The following ARHGEF28 variants were observed in gnomAD, a reference collection of about 807,000 sequenced individuals.
ARHGEF28 encodes the protein Rho guanine nucleotide exchange factor 28, also known as 190 kDa guanine nucleotide exchange factor.
Under a neutral mutation model 206.6 loss-of-function variants are expected in ARHGEF28, and 152 were observed. That is an observed-to-expected ratio of 0.74 (90% CI 0.64 to 0.84). The LOEUF (loss-of-function observed/expected upper bound fraction) is 0.84, where lower values mean the gene tolerates loss of function less well. Ranked by LOEUF, ARHGEF28 falls within the 40% of genes least tolerant of loss-of-function variation. ARHGEF28 has a pLI of 0.00. For missense variants in ARHGEF28, 2,028 were observed against 2,073.2 expected (o/e 0.98, Z 0.42); for synonymous variants, 763 against 776.4 (o/e 0.98, Z 0.29).
At position 73,749,972 on chromosome 5, in the gene ARHGEF28, TC is replaced by T; in HGVS notation, c.171del (p.Ser58AlafsTer11). On this transcript the variant is annotated frameshift_variant, in exon 3 of 36. Coordinates refer to ENST00000513042, the MANE Select transcript of ARHGEF28 (RefSeq NM_001177693.2). LOFTEE classifies it high-confidence loss of function. ...AERIEDNVLQ[S>X]SVPGHGLQET... ...GCGCATCGAGGATAACGTTCTCCAG[TC>T]CAGCGTCCCAGGTGAGGTGTCCTCT... 6.2e-7 allele frequency: 1 copy of T among 1,613,886 alleles called. No homozygotes were observed. The highest frequency in any genetic ancestry group is 2.2e-5 in the East Asian group (1 of 44,872).
intron 1 of ARHGEF28, among the ~76,000 whole-genome samples, chr5:73,628,401 G>T (rs1743138699): frequency 6.6e-6 from 1 of 152,174 alleles, no homozygotes; most frequent in Non-Finnish European, 1.5e-5. Flanking sequence ...AAAGATTCAT[G>T]ATATAAATGT....
At chr5:73,877,705 G>T (rs1171668232) in intron 22 of ARHGEF28, among the ~76,000 whole-genome samples, 1 of 150,982 alleles carries the variant, frequency 6.6e-6, no homozygotes, top group East Asian at 1.9e-4. Context: ...GGAGCAGGTT[G>T]TTCAGTTTCC....
chr5:73,686,086 A>G (rs1006007694), intron 2 of ARHGEF28, among the ~76,000 whole-genome samples: 2 of 152,174 alleles, frequency 1.3e-5, no homozygotes, highest in Non-Finnish European at 2.9e-5. Context: ...AATTGATTCC[A>G]GAATAGTAGA....
At chr5:73,634,299 C>T (rs1000841390) in intron 1 of ARHGEF28, among the ~76,000 whole-genome samples, 1 of 152,290 alleles carries the variant, frequency 6.6e-6, no homozygotes, top group African/African-American at 2.4e-5. Context: ...TTTGTATCAG[C>T]ATCTGGTTCT....
rs368237920 is a variant in ARHGEF28 at position 73,826,236 on chromosome 5, G to A, written c.1025-6102G>A. 4.6e-5 allele frequency among the ~76,000 whole-genome samples: 7 copies of A among 152,192 alleles called. No individual in the cohort carries two copies. In the East Asian group the frequency reaches 1.3e-3, roughly 29 times the overall value. On this transcript the variant is annotated intron_variant, in intron 9 of 35. Transcript: ENST00000513042. Reference sequence around the variant, plus strand: ...AGGTTCTGTCATTTGAAGGTCTTTGGTGACCATGATGGGCACTGTTTCAGC... The same window carrying A: ...AGGTTCTGTCATTTGAAGGTCTTTGATGACCATGATGGGCACTGTTTCAGC...
At position 73,873,225 on chromosome 5, in the gene ARHGEF28, T is replaced by C. The variant is rs758183067; in HGVS notation, c.2793T>C (p.Ile931=). The C allele has an allele frequency of 1.7e-5, 27 of 1,610,784 alleles. No homozygotes were observed. Among genetic ancestry groups the C allele is most frequent in the Non-Finnish European group, 2.2e-5 (26 of 1,178,386 alleles). ...ACAGGAATTTTGTGATCGACCGAAT[T>C]GGAGATATTTTGGTACAACAGGTAA... is the stretch of plus-strand genomic sequence containing the variant. The part of the protein sequence containing the change: ...GSDRNFVIDR[I]GDILVQQFSE... Residue 931 remains isoleucine (I), a synonymous_variant, in exon 22 of 36, where the codon ATT becomes ATC. Transcript: ENST00000513042.
At chr5:73,883,960 A>G (rs1335594257) in intron 24 of ARHGEF28, 76 bp downstream of exon 24, 2 of 819,392 alleles carry the variant, frequency 2.4e-6, no homozygotes, top group East Asian at 3.1e-5. Flanking sequence ...CTAAACAGCC[A>G]TCAGTGTTTG....
chr5:73,683,051 G>C (rs1042672895), intron 1 of ARHGEF28, among the ~76,000 whole-genome samples: 2 of 152,172 alleles, frequency 1.3e-5, no homozygotes, highest in Admixed American at 6.5e-5. Flanking sequence ...GGTGGACCCA[G>C]AAGGCATGTC....
At chr5:73,762,478 A>AC (rs1201233015) in intron 4 of ARHGEF28, among the ~76,000 whole-genome samples, 1 of 149,286 alleles carries the variant, frequency 6.7e-6, no homozygotes, top group African/African-American at 2.6e-5. Context: ...AAAAAAAACA[A>AC]AACAACAACA....
At chr5:73,897,912 A>G in intron 29 of ARHGEF28, 50 bp from the exon 30 acceptor site, 5 of 1,533,694 alleles carry the variant, frequency 3.3e-6, no homozygotes, top group Non-Finnish European at 4.4e-6. Context: ...TAGATTAAAT[A>G]TATACCTATC....
intron 2 of ARHGEF28, among the ~76,000 whole-genome samples, chr5:73,711,539 C>T (rs1458821433): frequency 6.6e-6 from 1 of 152,100 alleles, no homozygotes; most frequent in Non-Finnish European, 1.5e-5. Flanking sequence ...AGATCTTACA[C>T]ATATTTTGTT....
intron 9 of ARHGEF28, among the ~76,000 whole-genome samples, chr5:73,828,414 T>C (rs1347580212): frequency 6.6e-6 from 1 of 152,168 alleles, no homozygotes; most frequent in Non-Finnish European, 1.5e-5. Context: ...TTATTAATGA[T>C]TGCAGCAAGT....
Position 73,882,522 on chromosome 5 carries a change from T to C in ARHGEF28, c.2865T>C (p.Cys955=). 6.6e-7 allele frequency: 1 copy of C among 1,505,188 alleles called. No individual in the cohort carries two copies. The highest frequency in any genetic ancestry group is 9.0e-7 in the Non-Finnish European group (1 of 1,114,380). The allele number at this position is 1,505,188 out of a possible 1,614,324, so 93.2% of individuals were successfully genotyped here. ...TGAAGAAAATATATGGAGAATTCTG[T>C]TGCCATCATAAAGAAGCTGTTAACC... ...SKMKKIYGEF[C]CHHKEAVNLF... is the part of the protein sequence containing the mutation. Residue 955 remains cysteine (C), a synonymous_variant, in exon 23 of 36, where the codon TGT becomes TGC. Coordinates refer to ENST00000513042, the MANE Select transcript of ARHGEF28 (RefSeq NM_001177693.2).
At chr5:73,877,768 T>C (rs1370728609) in intron 22 of ARHGEF28, among the ~76,000 whole-genome samples, 4 of 152,016 alleles carry the variant, frequency 2.6e-5, no homozygotes, top group Non-Finnish European at 4.4e-5. Context: ...CTAGTTTGAT[T>C]GCACTGTGGT....
intron 2 of ARHGEF28, among the ~76,000 whole-genome samples, chr5:73,686,239 G>T (rs1375209303): frequency 2.6e-5 from 4 of 152,050 alleles, no homozygotes; most frequent in Non-Finnish European, 5.9e-5. Context: ...AGGCTAAATT[G>T]TAAAGTACTC....
In ARHGEF28 at chr5:73,858,231, G is replaced by A; in HGVS notation, c.2047+12G>A. The A allele has an allele frequency of 6.4e-7, 1 of 1,564,360 alleles. No individual in the cohort carries two copies. Among genetic ancestry groups the A allele is most frequent in the Non-Finnish European group, 8.6e-7 (1 of 1,161,754 alleles). ...ACTGCAGTGTTCTAGTAAGTTCTCA[G>A]GTCTATGTGCGCTGTCTTTGTTTTC... On this transcript the variant is annotated intron_variant, in intron 16 of 35. Transcript: ENST00000513042.
chr5:73,912,835 C>G (rs1762980342), intron 35 of ARHGEF28, among the ~76,000 whole-genome samples: 1 of 152,168 alleles, frequency 6.6e-6, no homozygotes, highest in Non-Finnish European at 1.5e-5. Flanking sequence ...TGTTGCTTTG[C>G]TGTGTTGGTT....
At chr5:73,663,593 G>T (rs1439747774) in intron 1 of ARHGEF28, among the ~76,000 whole-genome samples, 1 of 152,144 alleles carries the variant, frequency 6.6e-6, no homozygotes, top group East Asian at 1.9e-4. Context: ...CGAGCATTGT[G>T]CATTACTATT....
chr5:73,692,283 G>A (rs1747880088), intron 2 of ARHGEF28, among the ~76,000 whole-genome samples: 1 of 152,116 alleles, frequency 6.6e-6, no homozygotes, highest in African/African-American at 2.4e-5. Context: ...GAGACTGTGT[G>A]TGTGGGCTCT....
Sources: allele counts gnomAD v4.1 joint callset (sites outside exome capture counted in the v4.1 genomes callset), GRCh38; gene constraint gnomAD v4.1.1; transcripts MANE v1.5; gene names NCBI Gene and HGNC (gene_info 2026-07-23, HGNC 2026-07-21).